Variants in BMP7 observed in about 807,000 individuals in gnomAD.
The protein encoded by BMP7 is bone morphogenetic protein 7.
BMP7 carries 12 observed loss-of-function variants against 41.2 expected under a neutral mutation model. The ratio of observed to expected loss-of-function variants is 0.29; its 90% confidence interval spans 0.19 to 0.47. The LOEUF is 0.47. Ranked by LOEUF, BMP7 falls within the 20% of genes least tolerant of loss-of-function variation. The pLI is 0.99. For synonymous variants in BMP7, 248 were observed against 250.0 expected, an observed-to-expected ratio of 0.99 and a Z score of 0.07; for missense variants, 467 against 606.0, an observed-to-expected ratio of 0.77 and a Z score of 2.41.
chr20:57,230,193 C>T (rs1024731617), intron 1 of BMP7, among the ~76,000 whole-genome samples: 11 of 152,160 alleles, frequency 7.2e-5, no homozygotes, highest in Non-Finnish European at 1.0e-4. Context: ...ACGCCCCTCA[C>T]GCCCACAAGG....
rs944791905 is a variant in BMP7 at position 57,214,850 on chromosome 20, C to G, written c.612-12227G>C. The G allele has an allele frequency of 6.6e-6, 1 of 152,270 alleles. No individual in the cohort carries two copies. The highest frequency in any genetic ancestry group is 1.5e-5 in the Non-Finnish European group (1 of 68,106). 9.4% of individuals were successfully genotyped at this position (152,270 alleles called of 1,614,324 possible). A position where few individuals can be genotyped will look rare whatever the true frequency, so the allele number is the denominator to read the frequency against. On this transcript the variant is annotated intron_variant, in intron 2 of 6. Transcript: ENST00000395863. The surrounding 1 kb of genome is among the most constrained non-coding windows in gnomAD (Gnocchi z 4.0). ...AAGAACCAGCCCTATTTTATTCAGC[C>G]CTGGAGCGGCCTCTCCACCAGGCAC...
rs548959216 is a variant in BMP7 at position 57,185,373 on chromosome 20, A to T, written c.761-1454T>A. Among the ~76,000 whole-genome samples the T allele has an allele frequency of 1.1e-4, 17 of 152,330 alleles. No individual in the cohort carries two copies. In the South Asian group the frequency reaches 3.5e-3, roughly 32 times the overall value. On this transcript the variant is annotated intron_variant, in intron 3 of 6. Transcript: ENST00000395863. ...ATAACAAGAACACAGCCTCCAAACC[A>T]GGAAGGTGGCAGATTTAGGACTGAA...
intron 1 of BMP7, among the ~76,000 whole-genome samples, chr20:57,241,242 TC>T (rs1351375656): frequency 2.6e-5 from 4 of 152,130 alleles, no homozygotes; most frequent in African/African-American, 4.8e-5. Context: ...TAAGGACAGC[TC>T]TGAGCTGAAC....
At chr20:57,216,836 C>T (rs1388551906) in intron 2 of BMP7, among the ~76,000 whole-genome samples, 1 of 152,136 alleles carries the variant, frequency 6.6e-6, no homozygotes, top group Admixed American at 6.5e-5. Flanking sequence ...GTGGGAGTCA[C>T]CACCTGAGCA....
At chr20:57,262,784 T>G (rs2066159212) in intron 1 of BMP7, among the ~76,000 whole-genome samples, 1 of 152,208 alleles carries the variant, frequency 6.6e-6, no homozygotes, top group Non-Finnish European at 1.5e-5. Flanking sequence ...GCAAGTGATA[T>G]TTTCTCACTC....
chr20:57,225,758 G>C, intron 2 of BMP7: 1 of 331,346 alleles, frequency 3.0e-6, no homozygotes, highest in South Asian at 2.7e-5. Flanking sequence ...TTTGCTGCAG[G>C]AGGCACAGGA....
At chr20:57,177,654 T>A (rs1325457536) in intron 4 of BMP7, 1 of 152,222 alleles carries the variant, frequency 6.6e-6, no homozygotes, top group East Asian at 1.9e-4. Context: ...ATAAAATTTA[T>A]CTACAGTTCA....
chr20:57,215,290 C>T lies in BMP7; in HGVS notation c.612-12667G>A, dbSNP rs1568717557. Among the ~76,000 whole-genome samples the T allele has an allele frequency of 1.3e-5, 2 of 152,204 alleles. No homozygotes were observed. The highest frequency in any genetic ancestry group is 2.9e-5 in the Non-Finnish European group (2 of 68,044). ...CTGCATGGGCTTCCGGTTGAGTGCC[C>T]CCATTTACTGTCCCCATCACCTCTT... is the stretch of plus-strand genomic sequence containing the variant. On this transcript the variant is annotated intron_variant, in intron 2 of 6. Coordinates refer to ENST00000395863, the MANE Select transcript of BMP7 (RefSeq NM_001719.3). The surrounding 1 kb of genome is among the most constrained non-coding windows in gnomAD (Gnocchi z 4.2).
intron 3 of BMP7, among the ~76,000 whole-genome samples, chr20:57,186,897 G>A (rs1053078412): frequency 2.0e-5 from 3 of 152,122 alleles, no homozygotes; most frequent in African/African-American, 4.8e-5. Context: ...ATTCTTGAGC[G>A]GGGTTTCCCG....
intron 1 of BMP7, among the ~76,000 whole-genome samples, chr20:57,256,097 T>G (rs985086716): frequency 1.3e-5 from 2 of 152,212 alleles, no homozygotes; most frequent in African/African-American, 4.8e-5. Flanking sequence ...GTTGAACCAA[T>G]TGAGTACTTC....
At chr20:57,243,432 T>C (rs1270298909) in intron 1 of BMP7, among the ~76,000 whole-genome samples, 1 of 151,996 alleles carries the variant, frequency 6.6e-6, no homozygotes, top group Non-Finnish European at 1.5e-5. Flanking sequence ...TGAGCTGAGA[T>C]CGTACCACTG....
At chr20:57,192,281 AAT>A (rs1255767288) in intron 3 of BMP7, among the ~76,000 whole-genome samples, 2 of 136,166 alleles carry the variant, frequency 1.5e-5, no homozygotes, top group African/African-American at 2.8e-5. Context: ...TATATACTAT[AAT>A]ATATATAGTA....
At position 57,228,288 on chromosome 20, in the gene BMP7, G is replaced by A; in HGVS notation, c.552C>T (p.Arg184=). ...FRIYKDYIRE[R]FDNETFRISV... ...TGATCCGGAACGTCTCATTGTCGAAGCGTTCCCGGATGTAGTCCTTGTAGA... is the reference window on the plus strand; with the variant it reads ...TGATCCGGAACGTCTCATTGTCGAAACGTTCCCGGATGTAGTCCTTGTAGA... The change falls in exon 2 of 7, where the codon CGC becomes CGT. Residue 184 remains arginine, a synonymous_variant. Coordinates refer to ENST00000395863, the MANE Select transcript of BMP7 (RefSeq NM_001719.3). The surrounding 1 kb of genome is among the most constrained non-coding windows in gnomAD (Gnocchi z 4.5). The A allele has an allele frequency of 8.7e-6, 14 of 1,614,126 alleles. No homozygotes were observed. Among genetic ancestry groups the A allele is most frequent in the Non-Finnish European group, 1.2e-5 (14 of 1,180,044 alleles).
chr20:57,242,873 C>T (rs1028115450), intron 1 of BMP7, among the ~76,000 whole-genome samples: 2 of 152,034 alleles, frequency 1.3e-5, no homozygotes, highest in Non-Finnish European at 2.9e-5. Context: ...CATGGTGGCA[C>T]GTGCCTGTAA....
chr20:57,198,584 G>A (rs1459948635), intron 3 of BMP7, among the ~76,000 whole-genome samples: 9 of 152,192 alleles, frequency 5.9e-5, no homozygotes, highest in Non-Finnish European at 1.5e-5. Context: ...AGCTGCGGCT[G>A]CTCCGCATGG....
At chr20:57,226,691 C>T (rs1770682030) in intron 2 of BMP7, among the ~76,000 whole-genome samples, 3 of 152,214 alleles carry the variant, frequency 2.0e-5, no homozygotes, top group South Asian at 2.1e-4. Context: ...CAGATTCCTT[C>T]GCTGATTTCA....
intron 2 of BMP7, among the ~76,000 whole-genome samples, chr20:57,217,885 C>G (rs576899526): frequency 6.6e-6 from 1 of 152,186 alleles, no homozygotes; most frequent in African/African-American, 2.4e-5. Flanking sequence ...GGCGTGTCTG[C>G]GCATCTGTGT....
rs769953359 is a variant in BMP7 at position 57,173,183 on chromosome 20, G to A, written c.1146+17C>T. 1.9e-6 allele frequency: 3 copies of A among 1,611,330 alleles called. No individual in the cohort carries two copies. The African/African-American group carries it at 4.0e-5, about 22-fold the overall frequency. On this transcript the variant is annotated intron_variant, in intron 6 of 6. Coordinates refer to ENST00000395863, the MANE Select transcript of BMP7 (RefSeq NM_001719.3). Reference sequence around the variant, plus strand: ...CCCGGCCCAGGTGACCACACCCCAAGATGGCGTGACACCCACCAGCGTCTG... The same window carrying A: ...CCCGGCCCAGGTGACCACACCCCAAAATGGCGTGACACCCACCAGCGTCTG...
In BMP7 at chr20:57,240,847, CT is replaced by C. The variant is rs576037248; in HGVS notation, c.419-12427del. 1.8e-3 allele frequency among the ~76,000 whole-genome samples: 280 copies of C among 152,340 alleles called. 2 individuals carry two copies. Among genetic ancestry groups the C allele is most frequent in the African/African-American group, 6.3e-3 (263 of 41,574 alleles). On this transcript the variant is annotated intron_variant, in intron 1 of 6. Transcript: ENST00000395863. ...GACTCCATGATTCAATTACCTCCCC[CT>C]GGGTGCCTCCCACAACACGTGGGAA...
Sources: gnomAD v4.1 joint callset for allele counts (sites outside exome capture counted in the v4.1 genomes callset) on GRCh38, gnomAD v4.1.1 for gene constraint, Gnocchi (gnomAD v3.1) non-coding constraint, MANE v1.5 for transcripts, NCBI Gene and HGNC (gene_info 2026-07-23, HGNC 2026-07-21) for gene names.